Variants in CSMD3 observed in about 807,000 individuals in gnomAD.
The protein encoded by CSMD3 is CUB and Sushi multiple domains 3, also known as CUB and sushi domain-containing protein 3.
In CSMD3, 177 loss-of-function variants were observed where a neutral mutation model predicts 435.2. The ratio of observed to expected loss-of-function variants is 0.41; its 90% CI spans 0.36 to 0.46. The LOEUF is 0.46. CSMD3 is among the 20% of genes least tolerant of loss of function. The pLI, the probability that CSMD3 is intolerant of heterozygous loss-of-function variation, is 0.34. For missense variants in CSMD3, 4,265 were observed against 4,504.6 expected (o/e 0.95, Z 1.52); for synonymous variants, 1,656 against 1,520.5 (o/e 1.09, Z -2.07).
intron 35 of CSMD3, among the ~76,000 whole-genome samples, chr8:112,404,574 C>T (rs1373825491): frequency 6.6e-6 from 1 of 151,506 alleles, no homozygotes; most frequent in East Asian, 1.9e-4. Context: ...ACAGATTTAT[C>T]TTTGATCTCT....
chr8:112,976,655 T>C (rs947788983), intron 6 of CSMD3, among the ~76,000 whole-genome samples: 12 of 151,694 alleles, frequency 7.9e-5, no homozygotes, highest in African/African-American at 2.9e-4. Context: ...TGAAAACAAA[T>C]GATGAAAAAA....
chr8:113,411,518 T>G (rs571775889), intron 1 of CSMD3, among the ~76,000 whole-genome samples: 1 of 152,328 alleles, frequency 6.6e-6, no homozygotes, highest in South Asian at 2.1e-4. Flanking sequence ...CATTCTGGGT[T>G]ATGATGACAT....
chr8:112,867,101 C>T (rs1222164283), intron 10 of CSMD3, among the ~76,000 whole-genome samples: 1 of 152,100 alleles, frequency 6.6e-6, no homozygotes, highest in African/African-American at 2.4e-5. Context: ...AGATGGACAA[C>T]TTTCAGCAGA....
intron 1 of CSMD3, among the ~76,000 whole-genome samples, chr8:113,364,774 G>A (rs1223921819): frequency 6.6e-6 from 1 of 151,958 alleles, no homozygotes; most frequent in East Asian, 1.9e-4. Flanking sequence ...CTCATTCTGT[G>A]CTAAAACTAT....
chr8:112,932,023 G>C (rs765450660), intron 9 of CSMD3, among the ~76,000 whole-genome samples: 9 of 152,228 alleles, frequency 5.9e-5, no homozygotes, highest in Non-Finnish European at 1.0e-4. Flanking sequence ...CAGTCATTAT[G>C]GGGGGCAGTA....
chr8:113,254,512 G>A (rs2093363275), intron 3 of CSMD3, among the ~76,000 whole-genome samples: 1 of 152,084 alleles, frequency 6.6e-6, no homozygotes, highest in Non-Finnish European at 1.5e-5. Flanking sequence ...CAGCTTCTTT[G>A]CCCATTATGT....
At chr8:112,785,845 C>A (rs940703052) in intron 13 of CSMD3, among the ~76,000 whole-genome samples, 4 of 151,822 alleles carry the variant, frequency 2.6e-5, no homozygotes, top group African/African-American at 9.7e-5. Flanking sequence ...GTATTATTAA[C>A]ATGTCTATAA....
intron 10 of CSMD3, among the ~76,000 whole-genome samples, chr8:112,906,910 C>G (rs2130496434): frequency 6.6e-6 from 1 of 151,646 alleles, no homozygotes; most frequent in South Asian, 2.1e-4. Flanking sequence ...ATTGTAACCT[C>G]AAACCATCTA....
chr8:112,561,535 T>G (rs1275498912), intron 24 of CSMD3, among the ~76,000 whole-genome samples: 1 of 151,678 alleles, frequency 6.6e-6, no homozygotes, highest in Non-Finnish European at 1.5e-5. Flanking sequence ...TTTTGTATCA[T>G]AGTTGTGTCA....
intron 22 of CSMD3, among the ~76,000 whole-genome samples, chr8:112,621,814 T>A (rs1834092300): frequency 6.6e-6 from 1 of 152,168 alleles, no homozygotes; most frequent in Non-Finnish European, 1.5e-5. Flanking sequence ...TCTTATCCAA[T>A]TTCTTGGCTT....
At chr8:113,432,218 C>A (rs1455953053) in intron 1 of CSMD3, among the ~76,000 whole-genome samples, 1 of 152,156 alleles carries the variant, frequency 6.6e-6, no homozygotes, top group Non-Finnish European at 1.5e-5. Flanking sequence ...AACAAGCTAA[C>A]TGTCCAGTGA....
chr8:113,090,864 A>G (rs1307345434), intron 5 of CSMD3, among the ~76,000 whole-genome samples: 3 of 152,080 alleles, frequency 2.0e-5, no homozygotes, highest in Non-Finnish European at 4.4e-5. Flanking sequence ...TTCTCCAGAG[A>G]AAGTATTTCA....
intron 1 of CSMD3, among the ~76,000 whole-genome samples, chr8:113,352,087 T>C (rs1017114157): frequency 7.9e-5 from 12 of 152,168 alleles, no homozygotes; most frequent in African/African-American, 2.9e-4. Context: ...GTCATTTAAT[T>C]GCTACACAAT....
chr8:113,066,891 C>T (rs1170997309), intron 5 of CSMD3, among the ~76,000 whole-genome samples: 1 of 151,930 alleles, frequency 6.6e-6, no homozygotes, highest in Non-Finnish European at 1.5e-5. Context: ...ATATGCTATT[C>T]CATAATACAT....
chr8:113,396,584 T>A (rs2133180803), intron 1 of CSMD3, among the ~76,000 whole-genome samples: 1 of 152,122 alleles, frequency 6.6e-6, no homozygotes, highest in South Asian at 2.1e-4. Flanking sequence ...TAATTTGTCT[T>A]TTTTTTACAT....
chr8:112,388,008 C>G (rs1830120930), intron 36 of CSMD3, among the ~76,000 whole-genome samples: 1 of 152,124 alleles, frequency 6.6e-6, no homozygotes, highest in Non-Finnish European at 1.5e-5. Flanking sequence ...TGATGGAGAA[C>G]TTAACCTTGT....
chr8:112,349,966 G>A (rs1345629063), intron 40 of CSMD3, among the ~76,000 whole-genome samples: 1 of 152,026 alleles, frequency 6.6e-6, no homozygotes, highest in East Asian at 1.9e-4. Context: ...GGTTAAATGA[G>A]GTCATAAGAG....
At position 112,228,787 on chromosome 8, in the gene CSMD3, C is replaced by T. The variant is rs1812810355; in HGVS notation, c.10933G>A (p.Ala3645Thr). The change falls in exon 70 of 71, where the codon GCA (alanine) becomes ACA (threonine). Residue 3645 changes from alanine (A) to threonine (T), a missense_variant. Transcript: ENST00000297405. Reference sequence around the variant, plus strand: ...TTATAAAGATAAAATCCAAATCCTGCAAATATAAGTGCAAAAAAAGGCACA... The same window carrying T: ...TTATAAAGATAAAATCCAAATCCTGTAAATATAAGTGCAAAAAAAGGCACA... The part of the protein sequence containing the change: ...ILVPFFALIF[A>T]GFGFYLYKQR... 2 of 1,589,892 alleles carry T rather than the reference C, an allele frequency of 1.3e-6. No homozygotes were observed. The highest frequency in any genetic ancestry group is 4.5e-5 in the East Asian group (2 of 44,594).
chr8:112,551,178 C>A (rs1222116673), intron 26 of CSMD3, among the ~76,000 whole-genome samples: 1 of 152,010 alleles, frequency 6.6e-6, no homozygotes, highest in South Asian at 2.1e-4. Flanking sequence ...AGATAATCTT[C>A]TACATGCTAG....
Sources: allele counts gnomAD v4.1 joint callset (sites outside exome capture counted in the v4.1 genomes callset), GRCh38; gene constraint gnomAD v4.1.1; transcripts MANE v1.5; gene names NCBI Gene and HGNC (gene_info 2026-07-23, HGNC 2026-07-21).